Variants in CAB39L observed in about 807,000 individuals in gnomAD.
CAB39L encodes the protein calcium binding protein 39 like.
Under a neutral mutation model 39.1 loss-of-function variants are expected in CAB39L, and 23 were observed. The observed-to-expected ratio is 0.59, with a 90% CI of 0.42 to 0.83. The LOEUF (loss-of-function observed/expected upper bound fraction) is 0.83, where lower values mean the gene tolerates loss of function less well. CAB39L is among the 40% of genes least tolerant of loss of function. The probability of loss-of-function intolerance (pLI) is 0.00; values close to 1 mark genes in which losing one functional copy is unlikely to be tolerated. For synonymous variants in CAB39L, 126 were observed against 137.2 expected, an observed-to-expected ratio of 0.92 and a Z score of 0.57; for missense variants, 366 against 391.9, an observed-to-expected ratio of 0.93 and a Z score of 0.56.
intron 3 of CAB39L, among the ~76,000 whole-genome samples, chr13:49,386,812 C>A (rs538906923): frequency 9.9e-5 from 15 of 151,730 alleles, no homozygotes; most frequent in African/African-American, 3.6e-4. Context: ...ACACCTCCCC[C>A]ACTCCCAGAC....
At chr13:49,410,719 A>T (rs968901251) in intron 3 of CAB39L, among the ~76,000 whole-genome samples, 1 of 152,244 alleles carries the variant, frequency 6.6e-6, no homozygotes, top group African/African-American at 2.4e-5. Flanking sequence ...AGTACTTCAC[A>T]TGACAATTTT....
At chr13:49,360,704 G>A (rs1048936758) in intron 5 of CAB39L, among the ~76,000 whole-genome samples, 1 of 152,174 alleles carries the variant, frequency 6.6e-6, no homozygotes, top group Admixed American at 6.5e-5. Context: ...GGTGCGAGGT[G>A]ATTGGATCAT....
intron 10 of CAB39L, among the ~76,000 whole-genome samples, chr13:49,320,235 G>C (rs1313690389): frequency 6.6e-6 from 1 of 152,130 alleles, no homozygotes; most frequent in Non-Finnish European, 1.5e-5. Context: ...ATTATGTCCA[G>C]GGTAGAAATT....
intron 3 of CAB39L, among the ~76,000 whole-genome samples, chr13:49,412,758 A>C (rs1443525357): frequency 6.6e-6 from 1 of 152,196 alleles, no homozygotes; most frequent in Non-Finnish European, 1.5e-5. Context: ...ATCTCAGGTC[A>C]TCAGGCATTA....
chr13:49,422,496 C>T (rs1169210260), intron 3 of CAB39L, among the ~76,000 whole-genome samples: 1 of 152,176 alleles, frequency 6.6e-6, no homozygotes, highest in African/African-American at 2.4e-5. Flanking sequence ...ATGGCTTGAA[C>T]TGGGAGGTGG....
intron 10 of CAB39L, among the ~76,000 whole-genome samples, chr13:49,315,884 C>CAAAAAAAAAAAAAAAAA (rs60700916): frequency 8.3e-6 from 1 of 120,318 alleles, no homozygotes; most frequent in Admixed American, 8.5e-5. Context: ...GTCTCCATCT[C>CAAAAAAAAAAAAAAAAA]AAAAAAAAAA....
At chr13:49,317,014 C>T (rs1336943113) in intron 10 of CAB39L, among the ~76,000 whole-genome samples, 1 of 152,078 alleles carries the variant, frequency 6.6e-6, no homozygotes, top group Non-Finnish European at 1.5e-5. Context: ...TGAGAGTCTC[C>T]AAAAGAAGTC....
At chr13:49,400,763 TAGACAGAA>T (rs1310741388) in intron 3 of CAB39L, among the ~76,000 whole-genome samples, 1 of 141,566 alleles carries the variant, frequency 7.1e-6, no homozygotes, top group Non-Finnish European at 1.6e-5. Flanking sequence ...TTACTAACAA[TAGACAGAA>T]AGAGATAACT....
At chr13:49,408,670 T>C (rs554604565) in intron 3 of CAB39L, among the ~76,000 whole-genome samples, 50 of 151,856 alleles carry the variant, frequency 3.3e-4, no homozygotes, top group Admixed American at 2.0e-4. Flanking sequence ...ACCAAAAAAA[T>C]ACATACAAAA....
rs1245803588 is a variant in CAB39L at position 49,310,651 on chromosome 13, A to T, written c.*163T>A. On this transcript the variant is annotated 3_prime_UTR_variant, in exon 11 of 11. Coordinates refer to ENST00000409308, the MANE Select transcript of CAB39L (RefSeq NM_001079670.3). Reference sequence around the variant, plus strand: ...AAAATGAATATATTATTCTAGGTTAATTTTTTTCCATTCAAATGTTTATAC... The same window carrying T: ...AAAATGAATATATTATTCTAGGTTATTTTTTTTCCATTCAAATGTTTATAC... 2 of 573,170 alleles carry T rather than the reference A, an allele frequency of 3.5e-6. No homozygotes were observed. Among genetic ancestry groups the T allele is most frequent in the East Asian group, 5.6e-5 (2 of 35,438 alleles). 35.5% of individuals were successfully genotyped at this position (573,170 alleles called of 1,614,324 possible). A position where few individuals can be genotyped will look rare whatever the true frequency, so the allele number is the denominator to read the frequency against.
At chr13:49,315,258 G>A (rs1593890756) in intron 10 of CAB39L, among the ~76,000 whole-genome samples, 3 of 152,188 alleles carry the variant, frequency 2.0e-5, no homozygotes, top group Admixed American at 6.5e-5. Context: ...GGCTCATGAT[G>A]AGACAGTCTC....
At chr13:49,346,568 T>C (rs1955184357) in intron 7 of CAB39L, among the ~76,000 whole-genome samples, 5 of 152,170 alleles carry the variant, frequency 3.3e-5, no homozygotes, top group Admixed American at 3.3e-4. Context: ...TAATGAATAC[T>C]GCTTGAGAGA....
At chr13:49,366,263 G>A in intron 5 of CAB39L, among the ~76,000 whole-genome samples, 1 of 152,014 alleles carries the variant, frequency 6.6e-6, no homozygotes, top group Non-Finnish European at 1.5e-5. Flanking sequence ...AAATGCTTGA[G>A]AGGATGGATA....
intron 10 of CAB39L, among the ~76,000 whole-genome samples, chr13:49,329,117 GGTTT>G (rs1253001165): frequency 6.6e-6 from 1 of 152,028 alleles, no homozygotes; most frequent in Admixed American, 6.6e-5. Context: ...GATTTATATA[GGTTT>G]ATTTCTGGGC....
intron 3 of CAB39L, among the ~76,000 whole-genome samples, chr13:49,428,249 C>T (rs755511370): frequency 6.6e-6 from 1 of 152,218 alleles, no homozygotes; most frequent in Non-Finnish European, 1.5e-5. Context: ...GGCAGGAATG[C>T]AATCATCATG....
At chr13:49,347,451 T>C (rs757938307) in intron 7 of CAB39L, among the ~76,000 whole-genome samples, 1 of 152,246 alleles carries the variant, frequency 6.6e-6, no homozygotes, top group Non-Finnish European at 1.5e-5. Context: ...GTTTGTTCTA[T>C]GTTTGTAATT....
At chr13:49,322,676 A>G (rs1392091930) in intron 10 of CAB39L, among the ~76,000 whole-genome samples, 2 of 152,236 alleles carry the variant, frequency 1.3e-5, no homozygotes, top group Non-Finnish European at 2.9e-5. Flanking sequence ...ATCACAGTCA[A>G]TTGTAGAAAG....
intron 9 of CAB39L, among the ~76,000 whole-genome samples, chr13:49,337,947 A>T (rs936689636): frequency 6.6e-6 from 1 of 152,212 alleles, no homozygotes; most frequent in African/African-American, 2.4e-5. Flanking sequence ...CTGGAGAATG[A>T]GCACATAAAT....
At chr13:49,411,409 A>AG (rs1393285977) in intron 3 of CAB39L, among the ~76,000 whole-genome samples, 2 of 122,678 alleles carry the variant, frequency 1.6e-5, no homozygotes, top group African/African-American at 2.8e-5. Context: ...GACTCTCCTG[A>AG]GAAAAAAAAA....
Sources: allele counts gnomAD v4.1 joint callset (sites outside exome capture counted in the v4.1 genomes callset), GRCh38; gene constraint gnomAD v4.1.1; transcripts MANE v1.5; gene names NCBI Gene and HGNC (gene_info 2026-07-23, HGNC 2026-07-21).